The following DCT variants were observed in gnomAD, a reference collection of about 807,000 sequenced individuals.
DCT encodes dopachrome tautomerase, also known as L-dopachrome tautomerase.
A neutral mutation model predicts 53.0 loss-of-function variants in DCT; 47 were observed. The observed-to-expected ratio is 0.89, with a 90% CI of 0.70 to 1.13. The LOEUF is 1.13. Among genes scored for constraint, DCT ranks in the 50% most tolerant of loss-of-function variants. The pLI, the probability that DCT is intolerant of heterozygous loss-of-function variation, is 0.00. For synonymous variants in DCT, 244 were observed against 237.0 expected (o/e 1.03, Z -0.27); for missense variants, 669 against 637.4 (o/e 1.05, Z -0.53).
the DCT span, among the ~76,000 whole-genome samples, chr13:94,511,656 G>A: frequency 2.0e-5 from 3 of 151,900 alleles, no homozygotes; most frequent in Non-Finnish European, 4.4e-5. Flanking sequence ...CACCGCATCC[G>A]GCCTCATAAC....
chr13:94,460,610 T>C (rs1883717413), intron 5 of DCT, among the ~76,000 whole-genome samples: 1 of 152,096 alleles, frequency 6.6e-6, no homozygotes, highest in African/African-American at 2.4e-5. Context: ...TTTATATTTC[T>C]CAACCAAATA....
At chr13:94,449,285 G>A (rs1052849340) in intron 6 of DCT, among the ~76,000 whole-genome samples, 4 of 152,188 alleles carry the variant, frequency 2.6e-5, no homozygotes, top group Non-Finnish European at 5.9e-5. Context: ...GGAGGATAAA[G>A]TTACTATCAA....
At chr13:94,474,344 C>G (rs1196665232) in intron 1 of DCT, among the ~76,000 whole-genome samples, 1 of 152,154 alleles carries the variant, frequency 6.6e-6, no homozygotes, top group Admixed American at 6.5e-5. Flanking sequence ...ACTAAATAAG[C>G]TTAAAGACCA....
At chr13:94,549,218 T>C in the DCT span, among the ~76,000 whole-genome samples, 3 of 152,380 alleles carry the variant, frequency 2.0e-5, no homozygotes, top group Admixed American at 2.0e-4. Flanking sequence ...TTTTGCTTTT[T>C]CTTCAAATTC....
At chr13:94,468,426 C>T (rs1298833197) in intron 2 of DCT, 1 of 233,836 alleles carries the variant, frequency 4.3e-6, no homozygotes, top group African/African-American at 2.2e-5. Flanking sequence ...ATATTTTCTT[C>T]TGAAATCAAA....
intron 4 of DCT, among the ~76,000 whole-genome samples, chr13:94,463,243 C>A (rs112457279): frequency 0.014 from 2,159 of 151,752 alleles, 47 homozygotes; most frequent in African/African-American, 0.048. Context: ...CTCAAGCAAT[C>A]CTCCTGCCTC....
At chr13:94,502,842 A>T in the DCT span, among the ~76,000 whole-genome samples, 10 of 152,064 alleles carry the variant, frequency 6.6e-5, no homozygotes, top group African/African-American at 2.4e-4. Flanking sequence ...CATGCAGACA[A>T]ATCCTCTGAC....
Position 94,437,952 on chromosome 13 carries a change from T to G in DCT, c.*1946A>C, listed in dbSNP as rs553398075. ...ATAGATCTGCTTTAACCAAGTCTTA[T>G]GAGACTATGATATATGAGAATTCTG... is the stretch of plus-strand genomic sequence containing the variant. On this transcript the variant is annotated 3_prime_UTR_variant, in exon 8 of 8. Transcript: ENST00000377028. The G allele has an allele frequency of 7.2e-5, 11 of 152,316 alleles. No homozygotes were observed. Among genetic ancestry groups the G allele is most frequent in the African/African-American group, 2.6e-4 (11 of 41,584 alleles). 9.4% of individuals were successfully genotyped at this position (152,316 alleles called of 1,614,324 possible). A position where few individuals can be genotyped will look rare whatever the true frequency, so the allele number is the denominator to read the frequency against.
the DCT span, among the ~76,000 whole-genome samples, chr13:94,544,895 C>T: frequency 6.6e-6 from 1 of 152,070 alleles, no homozygotes; most frequent in African/African-American, 2.4e-5. Context: ...TTACTAAATA[C>T]TCATCTGGTT....
At chr13:94,445,681 A>C (rs756096521) in intron 6 of DCT, 1 of 1,445,478 alleles carries the variant, frequency 6.9e-7, no homozygotes, top group Non-Finnish European at 9.6e-7. Context: ...ACAACAAAGG[A>C]AAAAAACCTG....
In DCT at chr13:94,479,126, G is replaced by T; in HGVS notation, c.130C>A (p.Leu44Met). 6.2e-7 allele frequency: 1 copy of T among 1,614,202 alleles called. No homozygotes were observed. The highest frequency in any genetic ancestry group is 8.5e-7 in the Non-Finnish European group (1 of 1,180,026). The change falls in exon 1 of 8, where the codon CTG becomes ATG. Residue 44 changes from leucine to methionine, a missense_variant. Physicochemically the swap from Leu to Met is conservative, Grantham distance 15. Coordinates refer to ENST00000377028, the MANE Select transcript of DCT (RefSeq NM_001922.5). The stretch of plus-strand genomic sequence containing the variant: ...CAGACATTGGCCGACTCTGCACCCA[G>T]GCGTGGGCAGCACTCCTTGTTCACT... ...SLVNKECCPR[L>M]GAESANVCGS...
At chr13:94,442,114 T>A (rs969263210) in intron 7 of DCT, among the ~76,000 whole-genome samples, 1 of 152,120 alleles carries the variant, frequency 6.6e-6, no homozygotes, top group African/African-American at 2.4e-5. Context: ...GGCTCTTTCA[T>A]AAATTTGAAC....
intron 5 of DCT, among the ~76,000 whole-genome samples, chr13:94,461,213 G>A (rs1883765363): frequency 6.6e-6 from 1 of 152,222 alleles, no homozygotes; most frequent in African/African-American, 2.4e-5. Flanking sequence ...GGCATCATTT[G>A]GGATTTGGTT....
At chr13:94,540,236 A>C in the DCT span, among the ~76,000 whole-genome samples, 1 of 152,232 alleles carries the variant, frequency 6.6e-6, no homozygotes, top group South Asian at 2.1e-4. Context: ...GAAGAAAGAA[A>C]GGACAAATCG....
At position 94,440,048 on chromosome 13, in the gene DCT, G is replaced by A. The variant is rs534265051; in HGVS notation, c.1410C>T (p.Pro470=). The change falls in exon 8 of 8, where the codon CCC becomes CCT. Residue 470 remains proline (P), a synonymous_variant. Transcript: ENST00000377028. ...TTCCCATGACTACTAAGAGAGTTGT[G>A]GGCCAACCTGGAGTTTCTTCAACTG... ...PVSVEETPGW[P]TTLLVVMGTL... 9.8e-5 allele frequency: 158 copies of A among 1,613,898 alleles called. No homozygotes were observed. The South Asian group carries it at 1.6e-3, about 16-fold the overall frequency.
chr13:94,462,912 G>A (rs1274199315), intron 4 of DCT, among the ~76,000 whole-genome samples: 1 of 152,152 alleles, frequency 6.6e-6, no homozygotes, highest in Non-Finnish European at 1.5e-5. Context: ...TAGGCAAACT[G>A]AAGGCAAACG....
the DCT span, among the ~76,000 whole-genome samples, chr13:94,549,213 CT>C: frequency 6.6e-6 from 1 of 152,262 alleles, no homozygotes; most frequent in Admixed American, 6.5e-5. Flanking sequence ...AACAGTTTTG[CT>C]TTTTCTTCAA....
At chr13:94,446,646 G>A (rs1186328671) in intron 6 of DCT, among the ~76,000 whole-genome samples, 2 of 152,192 alleles carry the variant, frequency 1.3e-5, no homozygotes, top group African/African-American at 4.8e-5. Context: ...TACGGTTGGA[G>A]ACAGTGTCTC....
the DCT span, among the ~76,000 whole-genome samples, chr13:94,501,666 GA>G: frequency 6.6e-6 from 1 of 151,672 alleles, no homozygotes; most frequent in East Asian, 1.9e-4. Context: ...GGAGAGAGAG[GA>G]GAGAGAGAGA....
Sources: allele counts gnomAD v4.1 joint callset (sites outside exome capture counted in the v4.1 genomes callset), GRCh38; gene constraint gnomAD v4.1.1; transcripts MANE v1.5; gene names NCBI Gene and HGNC (gene_info 2026-07-23, HGNC 2026-07-21).